The following ZFAT variants were observed in gnomAD, a reference collection of about 807,000 sequenced individuals.
The protein encoded by ZFAT is zinc finger and AT-hook domain containing.
ZFAT carries 64 observed loss-of-function variants against 117.7 expected under a neutral mutation model. That is an observed-to-expected ratio of 0.54 (90% confidence interval 0.44 to 0.67). The LOEUF is 0.67. Among genes scored for constraint, ZFAT ranks in the 30% least tolerant of loss-of-function variants. The pLI, the probability that ZFAT is intolerant of heterozygous loss-of-function variation, is 0.00. For synonymous variants in ZFAT, 679 were observed against 615.0 expected (o/e 1.10, Z -1.54); for missense variants, 1,433 against 1,584.5 (o/e 0.90, Z 1.62).
chr8:134,530,572 T>C (rs887780740), intron 12 of ZFAT, among the ~76,000 whole-genome samples: 1 of 152,206 alleles, frequency 6.6e-6, no homozygotes, highest in Non-Finnish European at 1.5e-5. Context: ...AGTCAAGAGA[T>C]GCTGGGTTGT....
intron 1 of ZFAT, among the ~76,000 whole-genome samples, chr8:134,682,510 C>G (rs1833118093): frequency 6.6e-6 from 1 of 152,112 alleles, no homozygotes; most frequent in Non-Finnish European, 1.5e-5. Flanking sequence ...AAAAAATTAG[C>G]CGGGTGTGGT....
chr8:134,688,700 C>A (rs1833454020), intron 1 of ZFAT, among the ~76,000 whole-genome samples: 1 of 152,162 alleles, frequency 6.6e-6, no homozygotes, highest in South Asian at 2.1e-4. Flanking sequence ...CGTTCAGGGT[C>A]CCACACATGC....
At chr8:134,789,827 G>A in the ZFAT span, among the ~76,000 whole-genome samples, 7 of 152,116 alleles carry the variant, frequency 4.6e-5, no homozygotes, top group African/African-American at 1.7e-4. Context: ...AAATTTCTTG[G>A]CCATTTATTG....
At chr8:134,644,234 A>G (rs1294563394) in intron 2 of ZFAT, among the ~76,000 whole-genome samples, 1 of 152,138 alleles carries the variant, frequency 6.6e-6, no homozygotes, top group Non-Finnish European at 1.5e-5. Context: ...CAGGCACCCA[A>G]CAAACAGTTA....
chr8:134,608,520 G>A lies in ZFAT; in HGVS notation c.785+209C>T, dbSNP rs185849482. 4.3e-4 allele frequency among the ~76,000 whole-genome samples: 66 copies of A among 152,310 alleles called. No homozygotes were observed. Among genetic ancestry groups the A allele is most frequent in the African/African-American group, 1.3e-3 (53 of 41,548 alleles). ...AGTTGGTGCTCAGTTCTAAAAACAT[G>A]CTACTCTGCAACACACTGGAGGCTC... On this transcript the variant is annotated intron_variant, in intron 5 of 15. Transcript: ENST00000377838.
chr8:134,500,968 T>C (rs915675633), intron 15 of ZFAT, among the ~76,000 whole-genome samples: 1 of 152,186 alleles, frequency 6.6e-6, no homozygotes, highest in Non-Finnish European at 1.5e-5. Flanking sequence ...ATCAAATAAA[T>C]TGCACTGCAG....
chr8:134,763,647 A>T, the ZFAT span, among the ~76,000 whole-genome samples: 1 of 152,188 alleles, frequency 6.6e-6, no homozygotes, highest in Non-Finnish European at 1.5e-5. Flanking sequence ...TATACTCATT[A>T]TTATATCCTC....
chr8:134,819,496 A>ACCCCCCCCCCCCCCC, the ZFAT span, among the ~76,000 whole-genome samples: 27 of 39,336 alleles, frequency 6.9e-4, no homozygotes, highest in Non-Finnish European at 9.9e-4. Context: ...CGGATTTACC[A>ACCCCCCCCCCCCCCC]CCCCCCCCCC....
the ZFAT span, among the ~76,000 whole-genome samples, chr8:134,812,918 G>C: frequency 1.3e-5 from 2 of 152,178 alleles, no homozygotes; most frequent in Non-Finnish European, 2.9e-5. Context: ...AGAAATGAGA[G>C]ACAGAAAGCA....
intron 12 of ZFAT, among the ~76,000 whole-genome samples, chr8:134,523,534 C>T (rs931606569): frequency 3.3e-5 from 5 of 152,184 alleles, no homozygotes; most frequent in African/African-American, 9.6e-5. Context: ...ACTGTTGGTC[C>T]ACTTCCCACC....
intron 10 of ZFAT, among the ~76,000 whole-genome samples, chr8:134,576,601 T>A (rs1825315404): frequency 6.6e-6 from 1 of 152,232 alleles, no homozygotes; most frequent in African/African-American, 2.4e-5. Context: ...ACTTCCTGGT[T>A]CTGTTTTTAG....
At chr8:134,800,254 T>C in the ZFAT span, among the ~76,000 whole-genome samples, 1 of 152,272 alleles carries the variant, frequency 6.6e-6, no homozygotes, top group South Asian at 2.1e-4. Context: ...AAAGGAATTT[T>C]AATAAATTTA....
the ZFAT span, among the ~76,000 whole-genome samples, chr8:134,804,197 C>A: frequency 3.3e-5 from 5 of 152,226 alleles, no homozygotes; most frequent in Non-Finnish European, 5.9e-5. Flanking sequence ...GCTTTCAGGG[C>A]AGCTATATTT....
At chr8:134,718,080 G>A in the ZFAT span, among the ~76,000 whole-genome samples, 3 of 152,148 alleles carry the variant, frequency 2.0e-5, no homozygotes, top group Admixed American at 1.3e-4. Context: ...TAAATTTTAA[G>A]GTATTTGAAG....
At chr8:134,637,831 T>C in intron 2 of ZFAT, 119 bp from the exon 3 acceptor site, 1 of 1,372,398 alleles carries the variant, frequency 7.3e-7, no homozygotes, top group South Asian at 1.4e-5. Context: ...ATGAAAAGTC[T>C]AAAGTGATTC....
At chr8:134,802,197 T>C in the ZFAT span, among the ~76,000 whole-genome samples, 1 of 152,190 alleles carries the variant, frequency 6.6e-6, no homozygotes, top group Non-Finnish European at 1.5e-5. Flanking sequence ...CACCCACAAT[T>C]AACCAGGCTA....
At chr8:134,739,480 C>G in the ZFAT span, among the ~76,000 whole-genome samples, 1,112 of 152,280 alleles carry the variant, frequency 7.3e-3, 10 homozygotes, top group African/African-American at 0.025. Context: ...AGGTCATAGC[C>G]TCTCTCTGTC....
chr8:134,614,038 T>A (rs1166550952), intron 3 of ZFAT, among the ~76,000 whole-genome samples: 2 of 152,238 alleles, frequency 1.3e-5, no homozygotes, highest in Non-Finnish European at 2.9e-5. Flanking sequence ...GTATCTTGAC[T>A]AACACACTCT....
chr8:134,770,322 G>A, the ZFAT span, among the ~76,000 whole-genome samples: 19 of 152,220 alleles, frequency 1.2e-4, no homozygotes, highest in South Asian at 6.2e-4. Flanking sequence ...GCAGAAGAAC[G>A]TGGATTGTGA....
Sources: gnomAD v4.1 joint callset for allele counts (sites outside exome capture counted in the v4.1 genomes callset) on GRCh38, gnomAD v4.1.1 for gene constraint, MANE v1.5 for transcripts, NCBI Gene and HGNC (gene_info 2026-07-23, HGNC 2026-07-21) for gene names.